The following MCF2L2 variants were observed in gnomAD, a reference collection of about 807,000 sequenced individuals.
MCF2L2 encodes probable guanine nucleotide exchange factor MCF2L2.
Under a neutral mutation model 150.2 loss-of-function variants are expected in MCF2L2, and 102 were observed. That is an observed-to-expected ratio of 0.68 (90% CI 0.58 to 0.80). The LOEUF (loss-of-function observed/expected upper bound fraction) is 0.80, where lower values mean the gene tolerates loss of function less well. MCF2L2 is among the 30% of genes least tolerant of loss of function. The pLI is 0.00. For missense variants in MCF2L2, 1,256 were observed against 1,372.8 expected (o/e 0.91, Z 1.34); for synonymous variants, 465 against 491.3 (o/e 0.95, Z 0.71).
intron 14 of MCF2L2, among the ~76,000 whole-genome samples, chr3:183,284,604 A>C (rs983636612): frequency 1.3e-5 from 2 of 152,116 alleles, no homozygotes; most frequent in African/African-American, 4.8e-5. Context: ...CTAGAGGCTA[A>C]GGCAGGAGAA....
chr3:183,309,477 C>T (rs1251211155), intron 10 of MCF2L2, among the ~76,000 whole-genome samples: 10 of 152,074 alleles, frequency 6.6e-5, no homozygotes, highest in African/African-American at 2.2e-4. Context: ...GAGTCCTCAC[C>T]CGACCTGAGC....
intron 23 of MCF2L2, among the ~76,000 whole-genome samples, chr3:183,206,500 C>T (rs1436247939): frequency 2.6e-5 from 4 of 152,208 alleles, no homozygotes; most frequent in Non-Finnish European, 4.4e-5. Flanking sequence ...GAGATCATTT[C>T]TCCTTCAACG....
In MCF2L2 at chr3:183,179,560, T is replaced by C; in HGVS notation, c.3221+17A>G. 1 of 1,613,780 alleles carries C rather than the reference T, an allele frequency of 6.2e-7. No individual in the cohort carries two copies. The highest frequency in any genetic ancestry group is 8.5e-7 in the Non-Finnish European group (1 of 1,179,816). On this transcript the variant is annotated intron_variant, in intron 29 of 29. Coordinates refer to ENST00000328913, the MANE Select transcript of MCF2L2 (RefSeq NM_015078.4). This position sits in a 1 kb window ranked among gnomAD's most constrained non-coding sequence, Gnocchi z 4.2. ...GTGGCCCAAAGAGGCGCTTAGTCTT[T>C]CCTCGCTCACACTCACGTTTCCTCC...
intron 5 of MCF2L2, among the ~76,000 whole-genome samples, chr3:183,337,653 T>C (rs1230659803): frequency 1.3e-5 from 2 of 152,174 alleles, no homozygotes; most frequent in Non-Finnish European, 2.9e-5. Flanking sequence ...AGTATTTCAC[T>C]GATTGGGTAG....
chr3:183,420,872 C>T (rs1299278239), intron 1 of MCF2L2, among the ~76,000 whole-genome samples: 1 of 152,188 alleles, frequency 6.6e-6, no homozygotes, highest in Non-Finnish European at 1.5e-5. Flanking sequence ...CCAATCACCC[C>T]CCACCAGGTC....
At chr3:183,376,656 G>A (rs1006047809) in intron 3 of MCF2L2, 1 of 152,126 alleles carries the variant, frequency 6.6e-6, no homozygotes, top group Non-Finnish European at 1.5e-5. Context: ...GAGTTAAATC[G>A]ACAAAACACA....
chr3:183,416,187 T>C (rs960404345), intron 1 of MCF2L2, among the ~76,000 whole-genome samples: 2 of 152,216 alleles, frequency 1.3e-5, no homozygotes, highest in African/African-American at 4.8e-5. Context: ...TTATACATAG[T>C]ATATCTACGT....
chr3:183,254,685 T>A (rs955697368), intron 15 of MCF2L2: 1 of 152,202 alleles, frequency 6.6e-6, no homozygotes, highest in African/African-American at 2.4e-5. Context: ...GCCACCCGCC[T>A]CCGGCTGGAG....
chr3:183,264,052 C>T (rs1725867451), intron 15 of MCF2L2, among the ~76,000 whole-genome samples: 1 of 152,018 alleles, frequency 6.6e-6, no homozygotes, highest in Admixed American at 6.5e-5. Context: ...CAGTTTAATC[C>T]CTCTTGCTCA....
At chr3:183,185,648 C>T (rs1043720520) in intron 27 of MCF2L2, among the ~76,000 whole-genome samples, 1 of 152,190 alleles carries the variant, frequency 6.6e-6, no homozygotes, top group Non-Finnish European at 1.5e-5. Context: ...CATGGTGTCA[C>T]ATTCTGTCTG....
intron 27 of MCF2L2, among the ~76,000 whole-genome samples, chr3:183,186,258 A>T (rs1322747524): frequency 1.3e-5 from 2 of 152,142 alleles, no homozygotes; most frequent in African/African-American, 2.4e-5. Context: ...AAAAAAAATC[A>T]TGCATATCTT....
At chr3:183,307,070 G>A (rs1729132809) in intron 10 of MCF2L2, among the ~76,000 whole-genome samples, 1 of 152,244 alleles carries the variant, frequency 6.6e-6, no homozygotes, top group South Asian at 2.1e-4. Flanking sequence ...AGAACAGGCT[G>A]AATCAGCATG....
At chr3:183,190,822 G>A (rs1721859418) in intron 27 of MCF2L2, among the ~76,000 whole-genome samples, 1 of 152,202 alleles carries the variant, frequency 6.6e-6, no homozygotes, top group African/African-American at 2.4e-5. Flanking sequence ...TGGGCAGGCT[G>A]TCAATACTCT....
intron 3 of MCF2L2, 63 bp downstream of exon 3, chr3:183,379,234 G>C (rs1713372592): frequency 8.1e-7 from 1 of 1,236,252 alleles, no homozygotes; most frequent in Non-Finnish European, 1.1e-6. Flanking sequence ...ACCCAGCCCT[G>C]CCACATGGGA....
chr3:183,185,399 C>T (rs555213858), intron 27 of MCF2L2, among the ~76,000 whole-genome samples: 1 of 152,378 alleles, frequency 6.6e-6, no homozygotes, highest in Non-Finnish European at 1.5e-5. Flanking sequence ...TTTCAGAGAT[C>T]TAGGCGCAAG....
At chr3:183,297,230 C>T in intron 11 of MCF2L2, 63 bp from the exon 12 acceptor site, 7 of 1,400,176 alleles carry the variant, frequency 5.0e-6, no homozygotes, top group Non-Finnish European at 7.0e-6. Context: ...CACCGTAATC[C>T]TCAGCAGGTC....
At chr3:183,349,911 G>A (rs1731046957) in intron 3 of MCF2L2, among the ~76,000 whole-genome samples, 1 of 151,984 alleles carries the variant, frequency 6.6e-6, no homozygotes, top group Admixed American at 6.6e-5. Flanking sequence ...ATCATTGAAG[G>A]AAGTTCTAAG....
At chr3:183,216,573 TATATA>T (rs1722938645) in intron 21 of MCF2L2, among the ~76,000 whole-genome samples, 1 of 6,318 alleles carries the variant, frequency 1.6e-4, no homozygotes, top group African/African-American at 5.2e-4. Context: ...TATATATATA[TATATA>T]TATTTTTTTT....
At chr3:183,199,950 T>C (rs537336805) in intron 25 of MCF2L2, among the ~76,000 whole-genome samples, 1 of 152,320 alleles carries the variant, frequency 6.6e-6, no homozygotes, top group South Asian at 2.1e-4. Context: ...ACAAAGGACA[T>C]GAACTCATTG....
Sources: allele counts gnomAD v4.1 joint callset (sites outside exome capture counted in the v4.1 genomes callset), GRCh38; gene constraint gnomAD v4.1.1; non-coding constraint Gnocchi (gnomAD v3.1); transcripts MANE v1.5; gene names NCBI Gene and HGNC (gene_info 2026-07-23, HGNC 2026-07-21).